The following SLC35F1 variants were observed in gnomAD, a reference collection of about 807,000 sequenced individuals.
The protein encoded by SLC35F1 is solute carrier family 35 member F1.
SLC35F1 carries 14 observed loss-of-function variants against 48.7 expected under a neutral mutation model. The ratio of observed to expected loss-of-function variants is 0.29; its 90% CI spans 0.19 to 0.45. SLC35F1 has a LOEUF of 0.45. Among genes scored for constraint, SLC35F1 ranks in the 20% least tolerant of loss-of-function variants. The pLI is 1.00. For missense variants in SLC35F1, 404 were observed against 500.0 expected (o/e 0.81, Z 1.83); for synonymous variants, 190 against 202.2 (o/e 0.94, Z 0.51).
chr6:118,049,707 A>AGGTGCT (rs1772356855), intron 1 of SLC35F1, among the ~76,000 whole-genome samples: 1 of 152,028 alleles, frequency 6.6e-6, no homozygotes, highest in Non-Finnish European at 1.5e-5. Flanking sequence ...TTAAAAAGTC[A>AGGTGCT]GGAAACAACA....
chr6:118,212,967 A>T (rs2114551541), intron 2 of SLC35F1, among the ~76,000 whole-genome samples: 1 of 152,318 alleles, frequency 6.6e-6, no homozygotes, highest in Admixed American at 6.5e-5. Flanking sequence ...TATTGTCTAT[A>T]AAAAGTTAAA....
intron 2 of SLC35F1, among the ~76,000 whole-genome samples, chr6:118,205,823 T>C (rs1449508487): frequency 6.6e-6 from 1 of 152,234 alleles, no homozygotes; most frequent in Non-Finnish European, 1.5e-5. Context: ...GATATTTTCA[T>C]ATATGATACA....
chr6:117,966,709 C>T (rs899384025), intron 1 of SLC35F1, among the ~76,000 whole-genome samples: 2 of 152,228 alleles, frequency 1.3e-5, no homozygotes, highest in African/African-American at 4.8e-5. Context: ...CATCTTCTCC[C>T]TGTGTCTTCA....
chr6:118,030,882 A>G (rs2114892726), intron 1 of SLC35F1, among the ~76,000 whole-genome samples: 1 of 152,292 alleles, frequency 6.6e-6, no homozygotes, highest in Middle Eastern at 3.4e-3. Context: ...TGAGAAATAA[A>G]TGTCCTCTAA....
intron 6 of SLC35F1, among the ~76,000 whole-genome samples, chr6:118,282,284 A>G (rs1188552002): frequency 1.3e-5 from 2 of 152,222 alleles, no homozygotes; most frequent in Admixed American, 6.5e-5. Context: ...CCAACTCTCA[A>G]TTTAATCATG....
chr6:118,002,747 C>G (rs1777120882), intron 1 of SLC35F1, among the ~76,000 whole-genome samples: 1 of 151,538 alleles, frequency 6.6e-6, no homozygotes, highest in Non-Finnish European at 1.5e-5. Context: ...AAAAACTTAA[C>G]CTTTTTAATG....
intron 1 of SLC35F1, among the ~76,000 whole-genome samples, chr6:118,011,040 G>A (rs1408586694): frequency 1.3e-5 from 2 of 152,082 alleles, no homozygotes. Flanking sequence ...AGAGGCCAGG[G>A]GTGCTGCAAA....
chr6:118,134,008 T>C (rs753007198), intron 1 of SLC35F1, among the ~76,000 whole-genome samples: 1 of 152,264 alleles, frequency 6.6e-6, no homozygotes, highest in Non-Finnish European at 1.5e-5. Flanking sequence ...ACAGTCTGAA[T>C]ATAAATGCCA....
At chr6:118,308,020 T>A (rs1248720487) in intron 7 of SLC35F1, among the ~76,000 whole-genome samples, 2 of 152,230 alleles carry the variant, frequency 1.3e-5, no homozygotes, top group Non-Finnish European at 2.9e-5. Flanking sequence ...TCGAAGACAG[T>A]TGCCGAAAGG....
intron 1 of SLC35F1, among the ~76,000 whole-genome samples, chr6:118,015,273 T>C (rs907794719): frequency 6.6e-6 from 1 of 152,136 alleles, no homozygotes; most frequent in African/African-American, 2.4e-5. Flanking sequence ...TGGTCTTGGT[T>C]GATCCTCCGG....
intron 7 of SLC35F1, among the ~76,000 whole-genome samples, chr6:118,313,664 A>G (rs1424522104): frequency 6.6e-6 from 1 of 152,204 alleles, no homozygotes; most frequent in Non-Finnish European, 1.5e-5. Context: ...CTCTAGGTTT[A>G]ATGAAGCCAC....
intron 2 of SLC35F1, among the ~76,000 whole-genome samples, chr6:118,205,667 A>G (rs1199366293): frequency 6.6e-6 from 1 of 152,266 alleles, no homozygotes; most frequent in Non-Finnish European, 1.5e-5. Flanking sequence ...ACTTGAAAGC[A>G]GGGACTCAAA....
At chr6:118,176,166 G>A (rs73766450) in intron 2 of SLC35F1, among the ~76,000 whole-genome samples, 1,746 of 152,118 alleles carry the variant, frequency 0.011, 40 homozygotes, top group African/African-American at 0.039. Flanking sequence ...ATATTGAACT[G>A]TTCTTTTATT....
intron 1 of SLC35F1, among the ~76,000 whole-genome samples, chr6:118,048,018 T>C (rs891997856): frequency 1.3e-5 from 2 of 152,132 alleles, no homozygotes; most frequent in Non-Finnish European, 2.9e-5. Flanking sequence ...GGCTGTGGGT[T>C]TGTCATAGAT....
At chr6:118,242,626 C>T (rs1775455578) in intron 3 of SLC35F1, among the ~76,000 whole-genome samples, 1 of 152,188 alleles carries the variant, frequency 6.6e-6, no homozygotes, top group South Asian at 2.1e-4. Context: ...GACATTTGGA[C>T]ACATTTTCAA....
chr6:118,284,756 T>C lies in SLC35F1; in HGVS notation c.848-428T>C, dbSNP rs574565352. ...TCAACTTTAAAGACTACGTAGTTAT[T>C]CATCATTGTGGGCAATACATGATAG... On this transcript the variant is annotated intron_variant, in intron 6 of 7. Transcript: ENST00000360388. Among the ~76,000 whole-genome samples the C allele has an allele frequency of 5.7e-4, 87 of 152,314 alleles. 1 individual carries two copies. Among genetic ancestry groups the C allele is most frequent in the African/African-American group, 2.0e-3 (85 of 41,572 alleles).
At chr6:118,269,453 T>C (rs1775822470) in intron 4 of SLC35F1, among the ~76,000 whole-genome samples, 1 of 152,094 alleles carries the variant, frequency 6.6e-6, no homozygotes, top group Non-Finnish European at 1.5e-5. Context: ...AGATATAGGA[T>C]CCAAGGACTC....
intron 7 of SLC35F1, among the ~76,000 whole-genome samples, chr6:118,295,070 G>T (rs769461248): frequency 6.6e-5 from 10 of 152,056 alleles, no homozygotes; most frequent in Admixed American, 1.3e-4. Context: ...ATGAGGACAG[G>T]TGTAGAGCTC....
chr6:118,279,971 A>G (rs1338341546), intron 6 of SLC35F1, among the ~76,000 whole-genome samples: 4 of 152,100 alleles, frequency 2.6e-5, no homozygotes, highest in Non-Finnish European at 4.4e-5. Flanking sequence ...GTTAATAAAT[A>G]TGTTTTCTAT....
Sources: gnomAD v4.1 joint callset for allele counts (sites outside exome capture counted in the v4.1 genomes callset) on GRCh38, gnomAD v4.1.1 for gene constraint, MANE v1.5 for transcripts, NCBI Gene and HGNC (gene_info 2026-07-23, HGNC 2026-07-21) for gene names.